TBC1D1: variants seen among roughly 807,000 people sequenced by gnomAD.
TBC1D1 encodes TBC1 domain family member 1, also known as TBC1 (tre-2/USP6, BUB2, cdc16) domain family, member 1.
TBC1D1 carries 89 observed loss-of-function variants against 125.6 expected under a neutral mutation model. That is an observed-to-expected ratio of 0.71 (90% CI 0.60 to 0.85). The LOEUF (loss-of-function observed/expected upper bound fraction) is 0.85. Ranked by LOEUF, TBC1D1 falls within the 40% of genes least tolerant of loss-of-function variation. The pLI, the probability that TBC1D1 is intolerant of heterozygous loss-of-function variation, is 0.00. For missense variants in TBC1D1, 1,377 were observed against 1,469.2 expected, an observed-to-expected ratio of 0.94 and a Z score of 1.03; for synonymous variants, 565 against 564.1, an observed-to-expected ratio of 1.00 and a Z score of -0.02.
chr4:37,974,239 C>CT (rs1489996791), intron 2 of TBC1D1, among the ~76,000 whole-genome samples: 7 of 151,308 alleles, frequency 4.6e-5, no homozygotes, highest in Non-Finnish European at 1.0e-4. Flanking sequence ...AATGATGTCA[C>CT]TTTTTTTTTG....
chr4:38,086,340 A>G (rs1757481801), intron 12 of TBC1D1, among the ~76,000 whole-genome samples: 1 of 152,104 alleles, frequency 6.6e-6, no homozygotes, highest in South Asian at 2.1e-4. Context: ...GCCTAGAGGC[A>G]TTGATGGTGG....
chr4:38,071,615 G>A (rs765369624), intron 12 of TBC1D1, among the ~76,000 whole-genome samples: 1 of 152,148 alleles, frequency 6.6e-6, no homozygotes, highest in African/African-American at 2.4e-5. Context: ...GTTACCCACT[G>A]TAGGGCAGAA....
chr4:37,934,107 G>C (rs1723882490), intron 2 of TBC1D1, among the ~76,000 whole-genome samples: 1 of 152,218 alleles, frequency 6.6e-6, no homozygotes, highest in African/African-American at 2.4e-5. Flanking sequence ...GCTAATAGGT[G>C]AGAAGATTTG....
intron 16 of TBC1D1, among the ~76,000 whole-genome samples, chr4:38,117,495 C>T (rs973137626): frequency 1.3e-5 from 2 of 152,136 alleles, no homozygotes; most frequent in Admixed American, 6.5e-5. Context: ...TTTAACTTGC[C>T]AGGTATCTGG....
At chr4:38,122,799 A>AT in intron 17 of TBC1D1, among the ~76,000 whole-genome samples, 1 of 152,214 alleles carries the variant, frequency 6.6e-6, no homozygotes, top group Non-Finnish European at 1.5e-5. Flanking sequence ...AAGAACATTT[A>AT]TTTTTTAATT....
rs538398393 is a variant in TBC1D1, at chr4:38,101,723, C to T, written c.2399-1276C>T. Among the ~76,000 whole-genome samples the T allele has an allele frequency of 3.3e-5, 5 of 152,324 alleles. No individual in the cohort carries two copies. In the South Asian group the frequency reaches 8.3e-4, roughly 25 times the overall value. ...CAGCTATGATTAGCTTACTCCACCT[C>T]AGCTCAGAAACATGCATGATTCCCT... On this transcript the variant is annotated intron_variant, in intron 14 of 19. Coordinates refer to ENST00000261439, the MANE Select transcript of TBC1D1 (RefSeq NM_015173.4).
intron 2 of TBC1D1, among the ~76,000 whole-genome samples, chr4:37,989,417 A>G (rs1736100542): frequency 6.6e-6 from 1 of 152,142 alleles, no homozygotes. Context: ...CCTTACATAT[A>G]TTGATTGATG....
intron 8 of TBC1D1, among the ~76,000 whole-genome samples, chr4:38,044,116 A>G (rs761268614): frequency 6.6e-6 from 1 of 152,224 alleles, no homozygotes; most frequent in Non-Finnish European, 1.5e-5. Flanking sequence ...TCTGAGCAAT[A>G]AACTACTTCA....
chr4:38,071,005 G>T (rs901476649), intron 12 of TBC1D1, among the ~76,000 whole-genome samples: 16 of 152,194 alleles, frequency 1.1e-4, no homozygotes, highest in African/African-American at 3.9e-4. Flanking sequence ...GCAAATGATT[G>T]TTTGGGGATT....
At chr4:38,043,060 C>A (rs1320042305) in intron 8 of TBC1D1, among the ~76,000 whole-genome samples, 1 of 151,994 alleles carries the variant, frequency 6.6e-6, no homozygotes, top group Admixed American at 6.5e-5. Context: ...CGCCACTACA[C>A]CCGGCTGTTT....
chr4:37,982,405 G>A (rs995545648), intron 2 of TBC1D1, among the ~76,000 whole-genome samples: 3 of 152,104 alleles, frequency 2.0e-5, no homozygotes, highest in African/African-American at 7.2e-5. Context: ...ATTAGTGGAT[G>A]CTTGAGTTTA....
At chr4:38,040,540 G>A (rs901172739) in intron 8 of TBC1D1, among the ~76,000 whole-genome samples, 1 of 152,162 alleles carries the variant, frequency 6.6e-6, no homozygotes, top group African/African-American at 2.4e-5. Flanking sequence ...GCCTGCCTTG[G>A]CCTCCTAAAG....
chr4:38,011,668 G>A (rs917695552), intron 2 of TBC1D1, among the ~76,000 whole-genome samples: 6 of 152,174 alleles, frequency 3.9e-5, no homozygotes, highest in Non-Finnish European at 8.8e-5. Context: ...CTTACCCTGA[G>A]CATGAGAACC....
At chr4:38,017,035 G>A (rs1358178726) in intron 3 of TBC1D1, among the ~76,000 whole-genome samples, 2 of 146,408 alleles carry the variant, frequency 1.4e-5, no homozygotes. Flanking sequence ...AAATTAATGG[G>A]ATGTACAATC....
chr4:38,026,659 G>T lies in TBC1D1; in HGVS notation c.1211-1129G>T, dbSNP rs1316122750. ...ATGCTTTTTTTTTCTTTTCATGGCAGTTGGGTCAGCATATCCTTTCATTAT... is the reference window on the plus strand; with the variant it reads ...ATGCTTTTTTTTTCTTTTCATGGCATTTGGGTCAGCATATCCTTTCATTAT... On this transcript the variant is annotated intron_variant, in intron 6 of 19. Transcript: ENST00000261439. Among the ~76,000 whole-genome samples, 6 of 152,246 alleles carry T rather than the reference G, an allele frequency of 3.9e-5. No homozygotes were observed. In the East Asian group the frequency reaches 1.2e-3, roughly 29 times the overall value.
At chr4:37,912,305 C>T (rs777099475) in intron 2 of TBC1D1, among the ~76,000 whole-genome samples, 7 of 152,160 alleles carry the variant, frequency 4.6e-5, no homozygotes, top group African/African-American at 1.2e-4. Context: ...CTGGCAGTTT[C>T]CCAGGCCAAT....
intron 1 of TBC1D1, among the ~76,000 whole-genome samples, chr4:37,895,082 T>C (rs1714256686): frequency 6.6e-6 from 1 of 152,226 alleles, no homozygotes; most frequent in African/African-American, 2.4e-5. Flanking sequence ...AAGCAAACTC[T>C]GGAGCCAAAG....
At chr4:38,076,507 G>A (rs2152518689) in intron 12 of TBC1D1, among the ~76,000 whole-genome samples, 1 of 152,256 alleles carries the variant, frequency 6.6e-6, no homozygotes, top group Non-Finnish European at 1.5e-5. Flanking sequence ...ACTTGGGCAT[G>A]CTTAGGCACT....
intron 2 of TBC1D1, among the ~76,000 whole-genome samples, chr4:37,911,954 G>A (rs536187463): frequency 2.0e-5 from 3 of 152,278 alleles, no homozygotes; most frequent in South Asian, 2.1e-4. Flanking sequence ...GCAGAACTAG[G>A]AACAGTAGAA....
Sources: allele counts gnomAD v4.1 joint callset (sites outside exome capture counted in the v4.1 genomes callset), GRCh38; gene constraint gnomAD v4.1.1; transcripts MANE v1.5; gene names NCBI Gene and HGNC (gene_info 2026-07-23, HGNC 2026-07-21).